Variants in EXOC3L2 observed in about 807,000 individuals in gnomAD.
EXOC3L2 encodes exocyst complex component 3 like 2.
Under a neutral mutation model 44.4 loss-of-function variants are expected in EXOC3L2, and 17 were observed. The observed-to-expected ratio is 0.38, with a 90% CI of 0.26 to 0.57. The LOEUF is 0.57. Among genes scored for constraint, EXOC3L2 ranks in the 20% least tolerant of loss-of-function variants. The pLI, the probability that EXOC3L2 is intolerant of heterozygous loss-of-function variation, is 0.65. For synonymous variants in EXOC3L2, 256 were observed against 253.7 expected, an observed-to-expected ratio of 1.01 and a Z score of -0.09; for missense variants, 541 against 588.4, an observed-to-expected ratio of 0.92 and a Z score of 0.83.
rs988501664 is a variant in EXOC3L2 at position 45,234,713 on chromosome 19, G to A, written c.637C>T (p.Pro213Ser). The change falls in exon 3 of 12, where the codon CCC becomes TCC. Residue 213 changes from proline to serine, a missense_variant. Pro to Ser is a moderately conservative substitution (Grantham distance 74). Transcript: ENST00000413988. The surrounding 1 kb of genome is among the most constrained non-coding windows in gnomAD (Gnocchi z 5.0). The part of the protein sequence containing the change: ...APSRGGAPGP[P>S]KAEGAGGGRR... ...CCCCCGCCAGCGCCCTCGGCCTTGGGAGGCCCAGGCGCGCCGCCCCTCGAC... is the reference window on the plus strand; with the variant it reads ...CCCCCGCCAGCGCCCTCGGCCTTGGAAGGCCCAGGCGCGCCGCCCCTCGAC... 19 of 390,950 alleles carry A rather than the reference G, an allele frequency of 4.9e-5. No homozygotes were observed. The highest frequency in any genetic ancestry group is 3.9e-4 in the African/African-American group (19 of 48,182). 24.2% of individuals were successfully genotyped at this position (390,950 alleles called of 1,614,324 possible).
At chr19:45,222,147 G>A (rs749947385) in intron 8 of EXOC3L2, among the ~76,000 whole-genome samples, 19 of 151,116 alleles carry the variant, frequency 1.3e-4, no homozygotes, top group Non-Finnish European at 2.4e-4. Flanking sequence ...ACAGGCATGC[G>A]AGCACAGCAC....
chr19:45,238,485 G>C lies in EXOC3L2; in HGVS notation c.523+38C>G. The C allele has an allele frequency of 2.5e-6, 1 of 399,540 alleles. No homozygotes were observed. The highest frequency in any genetic ancestry group is 4.4e-6 in the Non-Finnish European group (1 of 226,202). The allele number at this position is 399,540 out of a possible 1,614,324, so 24.7% of individuals were successfully genotyped here. ...AGGGCTGGGGATGGACATGGGCACT[G>C]GGATTCTCCCAGGACAGGGTCAGGG... On this transcript the variant is annotated intron_variant, in intron 2 of 11. Coordinates refer to ENST00000413988, the MANE Select transcript of EXOC3L2 (RefSeq NM_001382422.1). The surrounding 1 kb of genome is among the most constrained non-coding windows in gnomAD (Gnocchi z 5.5).
chr19:45,244,718 G>T (rs1007670358), intron 1 of EXOC3L2, among the ~76,000 whole-genome samples: 10 of 151,994 alleles, frequency 6.6e-5, no homozygotes, highest in African/African-American at 2.4e-4. Context: ...CCCTGACCTC[G>T]GTTTGCGGAA....
At chr19:45,218,762 G>GA (rs1969866294) in intron 8 of EXOC3L2, among the ~76,000 whole-genome samples, 2 of 152,094 alleles carry the variant, frequency 1.3e-5, no homozygotes, top group Non-Finnish European at 2.9e-5. Context: ...GAGGACCAGC[G>GA]AAAAGGTCAG....
At chr19:45,241,154 C>T (rs1022901247) in intron 1 of EXOC3L2, among the ~76,000 whole-genome samples, 1 of 152,156 alleles carries the variant, frequency 6.6e-6, no homozygotes, top group South Asian at 2.1e-4. Context: ...GGTCCCCAGC[C>T]TCTAGTCTTG....
intron 8 of EXOC3L2, among the ~76,000 whole-genome samples, chr19:45,221,414 C>T (rs529722462): frequency 3.9e-5 from 6 of 151,906 alleles, no homozygotes; most frequent in Non-Finnish European, 1.5e-5. Context: ...TGCAGTGGCG[C>T]GATCTTGGCT....
chr19:45,240,102 ATT>A (rs34966417), intron 1 of EXOC3L2, among the ~76,000 whole-genome samples: 32 of 125,950 alleles, frequency 2.5e-4, no homozygotes, highest in Admixed American at 4.1e-4. Context: ...GCAAAGCCTA[ATT>A]TTTTTTTTTT....
chr19:45,241,632 C>T (rs559989367), intron 1 of EXOC3L2, among the ~76,000 whole-genome samples: 3 of 152,154 alleles, frequency 2.0e-5, no homozygotes, highest in Admixed American at 2.0e-4. Context: ...AGTGCTGTCC[C>T]GTAGCCTCCT....
chr19:45,225,437 T>G (rs10412857), intron 7 of EXOC3L2, among the ~76,000 whole-genome samples: 12,895 of 150,032 alleles, frequency 0.086, 733 homozygotes, highest in African/African-American at 0.16. Context: ...CCCAGCTAAT[T>G]TTTTGTATTT....
chr19:45,229,542 T>TATAA (rs1970007987), intron 4 of EXOC3L2, among the ~76,000 whole-genome samples: 3 of 147,348 alleles, frequency 2.0e-5, no homozygotes, highest in African/African-American at 7.4e-5. Flanking sequence ...AATAATATAT[T>TATAA]ATAAATAATA....
chr19:45,232,774 C>G (rs1301807925), intron 3 of EXOC3L2, among the ~76,000 whole-genome samples: 1 of 152,144 alleles, frequency 6.6e-6, no homozygotes, highest in Non-Finnish European at 1.5e-5. Context: ...AAGGGGCAAA[C>G]AGCACTCAAG....
chr19:45,235,746 T>A (rs896694483), intron 2 of EXOC3L2, among the ~76,000 whole-genome samples: 2 of 152,118 alleles, frequency 1.3e-5, no homozygotes, highest in African/African-American at 4.8e-5. Flanking sequence ...AAGGCGGGGC[T>A]CTAGTCACCC....
rs1568484003 is a variant in EXOC3L2 at position 45,234,282 on chromosome 19, C to T, written c.1068G>A (p.Leu356=). The T allele has an allele frequency of 5.1e-6, 2 of 394,404 alleles. No individual in the cohort carries two copies. Among genetic ancestry groups the T allele is most frequent in the Non-Finnish European group, 4.5e-6 (1 of 223,276 alleles). The allele number at this position is 394,404 out of a possible 1,614,324, so 24.4% of individuals were successfully genotyped here. Residue 356 remains leucine, a synonymous_variant, in exon 3 of 12, where the codon CTG becomes CTA. Coordinates refer to ENST00000413988, the MANE Select transcript of EXOC3L2 (RefSeq NM_001382422.1). The surrounding 1 kb of genome is among the most constrained non-coding windows in gnomAD (Gnocchi z 5.0). ...GGGCGGAGGCCCCCAGCCACTCGGCCAGGGCCCCGTGGTAGCCGCGCAGGT... is the reference window on the plus strand; with the variant it reads ...GGGCGGAGGCCCCCAGCCACTCGGCTAGGGCCCCGTGGTAGCCGCGCAGGT... ...GVYLRGYHGA[L]AEWLGASARR...
rs1171349124 is a variant in EXOC3L2, at chr19:45,212,679, T to G, written c.*390A>C. ...GTGCAGTGGCACAGTCATAGCTCAC[T>G]GCAGCCTCGAACTCCAGTGATCCTC... On this transcript the variant is annotated 3_prime_UTR_variant, in exon 12 of 12. Coordinates refer to ENST00000413988, the MANE Select transcript of EXOC3L2 (RefSeq NM_001382422.1). 6.2e-6 allele frequency: 1 copy of G among 160,638 alleles called. No homozygotes were observed. Among genetic ancestry groups the G allele is most frequent in the African/African-American group, 2.5e-5 (1 of 39,470 alleles). The allele number at this position is 160,638 out of a possible 1,614,324, so 10.0% of individuals were successfully genotyped here.
At chr19:45,216,277 C>T (rs970803249) in intron 10 of EXOC3L2, 83 bp from the exon 11 acceptor site, 25 of 1,531,826 alleles carry the variant, frequency 1.6e-5, no homozygotes, top group Non-Finnish European at 2.2e-5. Flanking sequence ...GTTATACCAT[C>T]TCTAAAATGT....
At chr19:45,233,329 T>C (rs1218008804) in intron 3 of EXOC3L2, among the ~76,000 whole-genome samples, 1 of 152,252 alleles carries the variant, frequency 6.6e-6, no homozygotes, top group Non-Finnish European at 1.5e-5. Flanking sequence ...AAAGCTTCAT[T>C]GGTACTAAGC....
chr19:45,238,781 A>G lies in EXOC3L2; in HGVS notation c.265T>C (p.Leu89=). The change falls in exon 2 of 12, where the codon TTG becomes CTG. Residue 89 remains leucine (L), a synonymous_variant. Coordinates refer to ENST00000413988, the MANE Select transcript of EXOC3L2 (RefSeq NM_001382422.1). The surrounding 1 kb of genome is among the most constrained non-coding windows in gnomAD (Gnocchi z 5.5). ...ATCCCTGGTACCAGCACACGGCCCA[A>G]GAAAGAGCGGGGCTGCCCATCCCCA... ...SPGDGQPRSF[L]GRVLVPGIRR... 2.5e-6 allele frequency: 1 copy of G among 398,942 alleles called. No homozygotes were observed. The highest frequency in any genetic ancestry group is 4.4e-6 in the Non-Finnish European group (1 of 225,992). The allele number at this position is 398,942 out of a possible 1,614,324, so 24.7% of individuals were successfully genotyped here.
rs995862920 is a variant in EXOC3L2, at chr19:45,238,721, G to A, written c.325C>T (p.Arg109Trp). The change falls in exon 2 of 12, where the codon CGG becomes TGG. Residue 109 changes from arginine (R) to tryptophan (W), a missense_variant. Arg to Trp is a moderately radical substitution (Grantham distance 101). Coordinates refer to ENST00000413988, the MANE Select transcript of EXOC3L2 (RefSeq NM_001382422.1). The surrounding 1 kb of genome is among the most constrained non-coding windows in gnomAD (Gnocchi z 5.5). ...RSSADFGLLA[R>W]LHGTRAHGDE... ...CCGTGGGCTCGGGTCCCATGCAGCCGGGCCAGGAGGCCAAAATCTGCTGAG... is the reference window on the plus strand; with the variant it reads ...CCGTGGGCTCGGGTCCCATGCAGCCAGGCCAGGAGGCCAAAATCTGCTGAG... 35 of 398,828 alleles carry A rather than the reference G, an allele frequency of 8.8e-5. No homozygotes were observed. Among genetic ancestry groups the A allele is most frequent in the Non-Finnish European group, 1.2e-4 (28 of 225,956 alleles). 24.7% of individuals were successfully genotyped at this position (398,828 alleles called of 1,614,324 possible).
chr19:45,245,400 C>CTGGGA lies in EXOC3L2; in HGVS notation c.-77_-76insTCCCA, dbSNP rs1371373548. 6.6e-6 allele frequency: 1 copy of CTGGGA among 152,518 alleles called. No homozygotes were observed. The highest frequency in any genetic ancestry group is 1.5e-5 in the Non-Finnish European group (1 of 68,220). The allele number at this position is 152,518 out of a possible 1,614,324, so 9.4% of individuals were successfully genotyped here. A position where few individuals can be genotyped will look rare whatever the true frequency, so the allele number is the denominator to read the frequency against. ...CTGTCCTGTCCCCAGGCTACTTCAG[C>CTGGGA]CAGGACTGCTGGGAGCTTGGATCTG... is the stretch of plus-strand genomic sequence containing the variant. On this transcript the variant is annotated 5_prime_UTR_variant, in exon 1 of 12. Coordinates refer to ENST00000413988, the MANE Select transcript of EXOC3L2 (RefSeq NM_001382422.1).
Sources: gnomAD v4.1 joint callset for allele counts (sites outside exome capture counted in the v4.1 genomes callset) on GRCh38, gnomAD v4.1.1 for gene constraint, Gnocchi (gnomAD v3.1) non-coding constraint, MANE v1.5 for transcripts, NCBI Gene and HGNC (gene_info 2026-07-23, HGNC 2026-07-21) for gene names.